MARCHF1: variants seen among roughly 807,000 people sequenced by gnomAD.
The protein encoded by MARCHF1 is E3 ubiquitin-protein ligase MARCHF1.
A neutral mutation model predicts 54.2 loss-of-function variants in MARCHF1; 40 were observed. The ratio of observed to expected loss-of-function variants is 0.74; its 90% CI spans 0.57 to 0.96. The LOEUF is 0.96. Among genes scored for constraint, MARCHF1 ranks in the 40% least tolerant of loss-of-function variants. MARCHF1 has a pLI of 0.00. For synonymous variants in MARCHF1, 236 were observed against 236.3 expected, an observed-to-expected ratio of 1.00 and a Z score of 0.01; for missense variants, 586 against 656.5, an observed-to-expected ratio of 0.89 and a Z score of 1.17.
intron 1 of MARCHF1, among the ~76,000 whole-genome samples, chr4:164,233,016 C>G (rs1732455843): frequency 6.6e-6 from 1 of 152,108 alleles, no homozygotes; most frequent in Admixed American, 6.6e-5. Flanking sequence ...CCCTGGACAC[C>G]CATCTGCAGG....
At chr4:164,166,784 CA>C (rs1024693762) in intron 1 of MARCHF1, among the ~76,000 whole-genome samples, 9 of 151,790 alleles carry the variant, frequency 5.9e-5, no homozygotes, top group African/African-American at 2.2e-4. Context: ...ATGCAATAAA[CA>C]AATTCAGTGA....
intron 4 of MARCHF1, among the ~76,000 whole-genome samples, chr4:163,768,260 C>T (rs534177991): frequency 6.6e-6 from 1 of 152,176 alleles, no homozygotes; most frequent in South Asian, 2.1e-4. Context: ...ATCCTCACTC[C>T]AATTTTTCAA....
chr4:164,330,239 AAC>A (rs1331291371), intron 1 of MARCHF1: 3 of 152,080 alleles, frequency 2.0e-5, no homozygotes, highest in African/African-American at 7.2e-5. Context: ...TCACCTAGAC[AAC>A]ACAGCAGTGT....
At chr4:163,747,494 T>C (rs1484021647) in intron 4 of MARCHF1, among the ~76,000 whole-genome samples, 1 of 152,184 alleles carries the variant, frequency 6.6e-6, no homozygotes, top group Non-Finnish European at 1.5e-5. Context: ...ACAGTTGAAT[T>C]TGACATGCAA....
At chr4:164,139,672 T>C (rs1756479861) in intron 1 of MARCHF1, among the ~76,000 whole-genome samples, 1 of 152,084 alleles carries the variant, frequency 6.6e-6, no homozygotes, top group African/African-American at 2.4e-5. Context: ...AAGAGTTGCT[T>C]ACTCAGCGCA....
intron 1 of MARCHF1, among the ~76,000 whole-genome samples, chr4:164,166,334 C>T (rs1296926766): frequency 6.6e-6 from 1 of 151,936 alleles, no homozygotes; most frequent in South Asian, 2.1e-4. Context: ...AAGTGTGAAG[C>T]TAGTTAAAGG....
intron 4 of MARCHF1, among the ~76,000 whole-genome samples, chr4:163,754,725 ACT>A (rs920837310): frequency 1.6e-4 from 21 of 131,662 alleles, no homozygotes; most frequent in African/African-American, 5.6e-4. Context: ...CCTGTTAAAG[ACT>A]CTTTTTTTTT....
In MARCHF1 at chr4:163,619,770, CA is replaced by C. The variant is rs892991558; in HGVS notation, c.163-6378del. ...AGGCAAATGCAAGATTTAAATACAG[CA>C]AAAAAAAAGACCCATCAAAGTATGA... is the stretch of plus-strand genomic sequence containing the variant. On this transcript the variant is annotated intron_variant, in intron 5 of 9. Coordinates refer to ENST00000514618, the MANE Select transcript of MARCHF1 (RefSeq NM_001394959.1). Among the ~76,000 whole-genome samples the C allele has an allele frequency of 5.3e-3, 754 of 142,752 alleles. 4 individuals carry two copies. Among genetic ancestry groups the C allele is most frequent in the African/African-American group, 0.017 (671 of 38,988 alleles). The allele number at this position is 142,752 out of a possible 152,430, so 93.7% of individuals were successfully genotyped here.
At chr4:163,895,308 T>G (rs984939492) in intron 3 of MARCHF1, among the ~76,000 whole-genome samples, 2 of 152,168 alleles carry the variant, frequency 1.3e-5, no homozygotes, top group Non-Finnish European at 2.9e-5. Context: ...CCTCACTTCT[T>G]CAAAATGCCA....
chr4:164,241,120 T>G (rs4437209), intron 1 of MARCHF1, among the ~76,000 whole-genome samples: 122,596 of 151,884 alleles, frequency 0.81, 50,108 homozygotes, highest in South Asian at 0.89. Context: ...GACCCATGAA[T>G]CGTACCAAGG....
intron 1 of MARCHF1, among the ~76,000 whole-genome samples, chr4:164,315,400 C>A (rs1734970688): frequency 6.6e-6 from 1 of 152,052 alleles, no homozygotes; most frequent in Non-Finnish European, 1.5e-5. Flanking sequence ...CACCAATGGG[C>A]AATGTTTGTA....
chr4:164,243,415 G>A (rs1560970526), intron 1 of MARCHF1, among the ~76,000 whole-genome samples: 2 of 151,644 alleles, frequency 1.3e-5, no homozygotes, highest in South Asian at 4.2e-4. Context: ...ATCCTTTACA[G>A]ACAAGCAAAT....
chr4:163,776,535 A>G (rs1424371204), intron 4 of MARCHF1, among the ~76,000 whole-genome samples: 1 of 152,064 alleles, frequency 6.6e-6, no homozygotes. Flanking sequence ...CTTTCATTCA[A>G]ATATGTAGTG....
intron 1 of MARCHF1, among the ~76,000 whole-genome samples, chr4:164,267,257 T>G (rs1733634231): frequency 6.6e-6 from 1 of 152,216 alleles, no homozygotes; most frequent in African/African-American, 2.4e-5. Flanking sequence ...CTCTTGGTAT[T>G]TATACCCTTA....
chr4:163,919,943 T>G (rs55965130), intron 3 of MARCHF1, among the ~76,000 whole-genome samples: 37,994 of 152,068 alleles, frequency 0.25, 6,171 homozygotes, highest in African/African-American at 0.46. Flanking sequence ...ATTTGAATCT[T>G]GCTCCTCCTC....
intron 1 of MARCHF1, among the ~76,000 whole-genome samples, chr4:164,140,271 C>T (rs374510374): frequency 9.0e-5 from 13 of 144,676 alleles, no homozygotes; most frequent in Admixed American, 6.3e-4. Context: ...GAAACTGACC[C>T]AATTGTCCTA....
chr4:164,334,816 T>C (rs1050170450), intron 1 of MARCHF1, among the ~76,000 whole-genome samples: 1 of 152,160 alleles, frequency 6.6e-6, no homozygotes, highest in Non-Finnish European at 1.5e-5. Context: ...TTAAGAACAT[T>C]TGTGATTTAT....
At chr4:163,978,004 C>T (rs570523632) in intron 3 of MARCHF1, among the ~76,000 whole-genome samples, 1 of 152,166 alleles carries the variant, frequency 6.6e-6, no homozygotes, top group South Asian at 2.1e-4. Flanking sequence ...TATTCAAAAG[C>T]CCATGAAATG....
chr4:163,608,949 T>C (rs140992322), intron 7 of MARCHF1, among the ~76,000 whole-genome samples: 5 of 152,172 alleles, frequency 3.3e-5, no homozygotes, highest in Non-Finnish European at 7.4e-5. Context: ...CTACACAAGA[T>C]CTTTTGTAGT....
Sources: allele counts gnomAD v4.1 joint callset (sites outside exome capture counted in the v4.1 genomes callset), GRCh38; gene constraint gnomAD v4.1.1; transcripts MANE v1.5; gene names NCBI Gene and HGNC (gene_info 2026-07-23, HGNC 2026-07-21).